PCDH11Y: variants seen among roughly 807,000 people sequenced by gnomAD.
PCDH11Y encodes protocadherin-11 Y-linked.
For synonymous variants in PCDH11Y, 9 were observed against 83.6 expected, an observed-to-expected ratio of 0.11 and a Z score of 4.87; for missense variants, 12 against 224.8, an observed-to-expected ratio of 0.05 and a Z score of 6.05.
chrY:5,265,012 A>C, intron 2 of PCDH11Y, among the ~76,000 whole-genome samples: 1 of 30,821 alleles, frequency 3.2e-5, no homozygotes, highest in African/African-American at 1.3e-4. Context: ...TTTGCTCACC[A>C]CTGTGACAGG....
chrY:5,567,276 C>T (rs2053436185), intron 3 of PCDH11Y, among the ~76,000 whole-genome samples: 1 of 31,857 alleles, frequency 3.1e-5, no homozygotes. Context: ...CAGGCATTTG[C>T]GAATCAGGTG....
chrY:5,262,460 T>C (rs2053020074), intron 2 of PCDH11Y, among the ~76,000 whole-genome samples: 1 of 20,661 alleles, frequency 4.8e-5, no homozygotes, highest in African/African-American at 2.2e-4. Context: ...TGTGGGGTTT[T>C]TTTTTTTTTT....
At chrY:5,174,139 GATATATATATAT>G (rs771513755) in intron 2 of PCDH11Y, among the ~76,000 whole-genome samples, 5 of 9,857 alleles carry the variant, frequency 5.1e-4, no homozygotes, top group African/African-American at 1.9e-3. Context: ...ATACAAATGT[GATATATATATAT>G]ATATATATAT....
intron 4 of PCDH11Y, among the ~76,000 whole-genome samples, chrY:5,595,922 CAT>C (rs2053466965): frequency 3.4e-5 from 1 of 29,843 alleles, no homozygotes; most frequent in Non-Finnish European, 8.0e-5. Context: ...GTTACTCACA[CAT>C]GTCTCATTAA....
chrY:5,554,151 G>C (rs2053421480), intron 3 of PCDH11Y, among the ~76,000 whole-genome samples: 1 of 33,216 alleles, frequency 3.0e-5, no homozygotes, highest in Admixed American at 2.7e-4. Flanking sequence ...GAGAAAAGTT[G>C]ACTCGTTATC....
intron 2 of PCDH11Y, among the ~76,000 whole-genome samples, chrY:5,133,943 T>G (rs368990747): frequency 3.6e-4 from 12 of 33,239 alleles, no homozygotes; most frequent in African/African-American, 1.4e-3. Context: ...TAGATTTCTG[T>G]GGGTGGTATG....
intron 2 of PCDH11Y, among the ~76,000 whole-genome samples, chrY:5,219,331 C>A: frequency 1.5e-4 from 5 of 32,531 alleles, no homozygotes; most frequent in African/African-American, 2.4e-4. Flanking sequence ...ATCCCCCCCC[C>A]ACAGTTTACA....
At chrY:5,375,832 A>G in intron 2 of PCDH11Y, among the ~76,000 whole-genome samples, 1 of 33,656 alleles carries the variant, frequency 3.0e-5, no homozygotes, top group African/African-American at 1.1e-4. Flanking sequence ...ATGAAAGAAT[A>G]CAACCTTATA....
At chrY:5,344,305 C>T in intron 2 of PCDH11Y, among the ~76,000 whole-genome samples, 1 of 33,844 alleles carries the variant, frequency 3.0e-5, no homozygotes, top group East Asian at 7.7e-4. Context: ...TAGAATAAGA[C>T]ACATTTACGC....
At chrY:5,426,804 A>G in intron 2 of PCDH11Y, among the ~76,000 whole-genome samples, 1 of 33,275 alleles carries the variant, frequency 3.0e-5, no homozygotes, top group Admixed American at 2.8e-4. Flanking sequence ...ATTACTACAC[A>G]AGAACACATG....
chrY:5,207,662 G>A (rs2052933815), intron 2 of PCDH11Y: 1 of 276,434 alleles, frequency 3.6e-6, no homozygotes. Flanking sequence ...CGGATGGAAG[G>A]CCCAGCAATG....
At position 5,032,706 on chromosome Y, in the gene PCDH11Y, G is replaced by T; in HGVS notation, c.10G>T (p.Gly4Cys). Residue 4 changes from glycine to cysteine, a missense_variant, in exon 3 of 6, where the codon GGT (glycine) becomes TGT (cysteine). Coordinates refer to the PCDH11Y transcript ENST00000333703. ...GCACTATGAGGACTGAATGACAGTG[G>T]GTTTTAATTCAGATATTTCAAGGTG... 2.5e-6 allele frequency: 1 copy of T among 395,107 alleles called. No homozygotes were observed. Among genetic ancestry groups the T allele is most frequent in the Non-Finnish European group, 3.6e-6 (1 of 281,302 alleles).
At chrY:5,083,451 C>T in intron 1 of PCDH11Y, among the ~76,000 whole-genome samples, 1 of 31,954 alleles carries the variant, frequency 3.1e-5, no homozygotes, top group Admixed American at 2.8e-4. Flanking sequence ...ATCTTGGCCC[C>T]GCCAACACCC....
chrY:5,355,063 C>G, intron 2 of PCDH11Y, among the ~76,000 whole-genome samples: 2 of 32,104 alleles, frequency 6.2e-5, no homozygotes, highest in Admixed American at 3.0e-4. Context: ...GAGTTCGAGA[C>G]CAGCCTGACC....
chrY:5,677,176 T>A, intron 4 of PCDH11Y, among the ~76,000 whole-genome samples: 1 of 32,057 alleles, frequency 3.1e-5, no homozygotes, highest in Non-Finnish European at 7.6e-5. Flanking sequence ...GAGTGAGTGC[T>A]GAGCAAAGGG....
intron 2 of PCDH11Y, among the ~76,000 whole-genome samples, chrY:5,324,221 G>A: frequency 3.0e-5 from 1 of 32,882 alleles, no homozygotes; most frequent in South Asian, 6.7e-4. Context: ...TTTAGTGTTA[G>A]CAACTTGAGA....
chrY:5,130,365 C>T, intron 2 of PCDH11Y, among the ~76,000 whole-genome samples: 2 of 33,249 alleles, frequency 6.0e-5, no homozygotes, highest in Non-Finnish European at 1.5e-4. Context: ...TAATATCCAG[C>T]CTCTATAAGA....
chrY:5,169,936 A>AATTC (rs2052884862), intron 2 of PCDH11Y, among the ~76,000 whole-genome samples: 1 of 31,563 alleles, frequency 3.2e-5, no homozygotes, highest in Non-Finnish European at 7.8e-5. Context: ...TGAACTGCAA[A>AATTC]ATGTTGGAAT....
intron 4 of PCDH11Y, among the ~76,000 whole-genome samples, chrY:5,694,518 G>A (rs2556699): frequency 1.2e-4 from 4 of 32,005 alleles, no homozygotes; most frequent in African/African-American, 3.6e-4. Context: ...ACCTTTCAGG[G>A]TTTGTTTTTA....
Sources: allele counts gnomAD v4.1 joint callset (sites outside exome capture counted in the v4.1 genomes callset), GRCh38; gene constraint gnomAD v4.1.1; transcripts MANE v1.5; gene names NCBI Gene and HGNC (gene_info 2026-07-23, HGNC 2026-07-21).